Variants in GPR171 observed in about 807,000 individuals in gnomAD.
GPR171 encodes F730001G15Rik.
GPR171 carries 14 observed loss-of-function variants against 16.7 expected under a neutral mutation model. The ratio of observed to expected loss-of-function variants is 0.84; its 90% CI spans 0.55 to 1.31. GPR171 has a LOEUF of 1.31. Ranked by LOEUF, GPR171 falls within the 40% of genes most tolerant of loss-of-function variation. The pLI is 0.00. For missense variants in GPR171, 337 were observed against 378.9 expected (o/e 0.89, Z 0.92); for synonymous variants, 134 against 135.6 (o/e 0.99, Z 0.08).
In GPR171 at chr3:151,198,794, G is replaced by C. The variant is rs1725066825; in HGVS notation, c.593C>G (p.Ser198Cys). Reference protein sequence around the residue: ...FLNFSAIILISNCLVIRQLYR... With the variant: ...FLNFSAIILICNCLVIRQLYR... ...GAGCTGTCGAATTACAAGGCAATTG[G>C]ATATTAAAATGATGGCTGAGAAATT... Residue 198 changes from serine to cysteine, a missense_variant, in exon 3 of 3, where the codon TCC becomes TGC. Transcript: ENST00000309180. 1.2e-6 allele frequency: 2 copies of C among 1,613,388 alleles called. No individual in the cohort carries two copies. The highest frequency in any genetic ancestry group is 1.7e-5 in the Admixed American group (1 of 60,006).
Position 151,198,810 on chromosome 3 carries a change from C to T in GPR171, c.577G>A (p.Ala193Thr). Residue 193 changes from alanine (A) to threonine (T), a missense_variant, in exon 3 of 3, where the codon GCC becomes ACC. By Grantham distance (58) the Ala-to-Thr change is moderately conservative. Transcript: ENST00000309180. Reference sequence around the variant, plus strand: ...AGGCAATTGGATATTAAAATGATGGCTGAGAAATTTAAAAATATTGCTACA... The same window carrying T: ...AGGCAATTGGATATTAAAATGATGGTTGAGAAATTTAAAAATATTGCTACA... ...ICVAIFLNFS[A>T]IILISNCLVI... 1 of 1,613,608 alleles carries T rather than the reference C, an allele frequency of 6.2e-7. No individual in the cohort carries two copies. The highest frequency in any genetic ancestry group is 8.5e-7 in the Non-Finnish European group (1 of 1,179,520).
intron 1 of GPR171, among the ~76,000 whole-genome samples, chr3:151,202,563 G>A (rs982463308): frequency 6.6e-5 from 10 of 152,146 alleles, no homozygotes; most frequent in South Asian, 2.1e-4. Context: ...CCAGCTACTC[G>A]GGAGGCTGAG....
chr3:151,199,259 T>G lies in GPR171; in HGVS notation c.128A>C (p.Asn43Thr), dbSNP rs558551250. 18 of 1,614,156 alleles carry G rather than the reference T, an allele frequency of 1.1e-5. No individual in the cohort carries two copies. The East Asian group carries it at 3.6e-4, about 32-fold the overall frequency. Residue 43 changes from asparagine to threonine, a missense_variant, in exon 3 of 3, where the codon AAT (asparagine) becomes ACT (threonine). Asn to Thr is a moderately conservative substitution (Grantham distance 65). Coordinates refer to ENST00000309180, the MANE Select transcript of GPR171 (RefSeq NM_013308.4). ...CFATWAFIQK[N>T]TNHRCVSIYL... Reference sequence around the variant, plus strand: ...GATGCTCACACACCTGTGATTCGTATTCTTCTGTATAAAAGCCCAGGTTGC... The same window carrying G: ...GATGCTCACACACCTGTGATTCGTAGTCTTCTGTATAAAAGCCCAGGTTGC...
chr3:151,199,274 G>A lies in GPR171; in HGVS notation c.113C>T (p.Ala38Val), dbSNP rs138457154. The change falls in exon 3 of 3, where the codon GCT (alanine) becomes GTT (valine). Residue 38 changes from alanine to valine, a missense_variant. Physicochemically the swap from Ala to Val is moderately conservative, Grantham distance 64 (BLOSUM62 0). Transcript: ENST00000309180. ...GTGATTCGTATTCTTCTGTATAAAA[G>A]CCCAGGTTGCAAAACAACTTCCAAT... ...GIIGSCFATW[A>V]FIQKNTNHRC... 56 of 1,613,806 alleles carry A rather than the reference G, an allele frequency of 3.5e-5. No homozygotes were observed. The highest frequency in any genetic ancestry group is 4.6e-5 in the Non-Finnish European group (54 of 1,179,932).
chr3:151,201,634 CCTG>C (rs1725608706), intron 1 of GPR171, among the ~76,000 whole-genome samples: 1 of 152,184 alleles, frequency 6.6e-6, no homozygotes, highest in African/African-American at 2.4e-5. Flanking sequence ...ATTCCTGAAT[CCTG>C]CTTATTCCAG....
At position 151,198,475 on chromosome 3, in the gene GPR171, T is replaced by C. The variant is rs757514078; in HGVS notation, c.912A>G (p.Lys304=). The part of the protein sequence containing the change: ...SKVTETFASP[K]ETKAQKEKLR... Reference sequence around the variant, plus strand: ...ATTTTTCTTTCTGAGCCTTGGTCTCTTTAGGTGAGGCAAAAGTCTCAGTGA... The same window carrying C: ...ATTTTTCTTTCTGAGCCTTGGTCTCCTTAGGTGAGGCAAAAGTCTCAGTGA... The change falls in exon 3 of 3, where the codon AAA becomes AAG. Residue 304 remains lysine (K), a synonymous_variant. Coordinates refer to ENST00000309180, the MANE Select transcript of GPR171 (RefSeq NM_013308.4). 1.9e-6 allele frequency: 3 copies of C among 1,613,182 alleles called. No homozygotes were observed. Among genetic ancestry groups the C allele is most frequent in the Non-Finnish European group, 2.5e-6 (3 of 1,179,324 alleles).
In GPR171 at chr3:151,198,546, C is replaced by G; in HGVS notation, c.841G>C (p.Asp281His). ...GAGAGGTGATAGTACAGGATAGGAT[C>G]AAAGCACAGGTTCGACACAGCCAGG... ...LLLAVSNLCF[D>H]PILYYHLSKA... The change falls in exon 3 of 3, where the codon GAT becomes CAT. Residue 281 changes from aspartate to histidine, a missense_variant. Asp to His is a moderately conservative substitution (Grantham distance 81). Coordinates refer to ENST00000309180, the MANE Select transcript of GPR171 (RefSeq NM_013308.4). 1 of 1,614,048 alleles carries G rather than the reference C, an allele frequency of 6.2e-7. No individual in the cohort carries two copies. Among genetic ancestry groups the G allele is most frequent in the Non-Finnish European group, 8.5e-7 (1 of 1,179,992 alleles).
At chr3:151,200,184 C>A (rs1436095261) in intron 2 of GPR171, among the ~76,000 whole-genome samples, 1 of 150,132 alleles carries the variant, frequency 6.7e-6, no homozygotes, top group Non-Finnish European at 1.5e-5. Context: ...ACTGTGATCA[C>A]CACTGATAAT....
At chr3:151,201,075 T>C (rs1385551171) in intron 1 of GPR171, 78 bp from the exon 2 acceptor site, 2 of 152,202 alleles carry the variant, frequency 1.3e-5, no homozygotes, top group African/African-American at 2.4e-5. Context: ...TACTAAGGGC[T>C]TACTGTGTGG....
In GPR171 at chr3:151,199,167, CA is replaced by C; in HGVS notation, c.219del (p.Asp74ThrfsTer9). The C allele has an allele frequency of 6.2e-7, 1 of 1,614,162 alleles. No individual in the cohort carries two copies. The highest frequency in any genetic ancestry group is 8.5e-7 in the Non-Finnish European group (1 of 1,180,012). On this transcript the variant is annotated frameshift_variant, in exon 3 of 3. Transcript: ENST00000309180. LOFTEE classifies it high-confidence loss of function. The stretch of plus-strand genomic sequence containing the variant: ...AGCTTCCAAGGTGCCACACCCAAGT[CA>C]ACAACAATTTTCACTGGTAATGCCA... ...LTLALPVKIV[V>X]DLGVAPWKLK...
chr3:151,200,687 A>G (rs771336079), intron 2 of GPR171, among the ~76,000 whole-genome samples: 1 of 152,192 alleles, frequency 6.6e-6, no homozygotes, highest in African/African-American at 2.4e-5. Flanking sequence ...TAAAGGCTAC[A>G]TGCCCTTTCT....
At position 151,198,861 on chromosome 3, in the gene GPR171, A is replaced by G; in HGVS notation, c.526T>C (p.Trp176Arg). The change falls in exon 3 of 3, where the codon TGG (tryptophan) becomes CGG (arginine). Residue 176 changes from tryptophan to arginine, a missense_variant. Trp to Arg is a moderately radical substitution (Grantham distance 101). Coordinates refer to ENST00000309180, the MANE Select transcript of GPR171 (RefSeq NM_013308.4). ...CATATGAAATTTGTCAGCAAATGCC[A>G]ATTTCTTCCAAATTCCTTTTTAAAC... is the stretch of plus-strand genomic sequence containing the variant. ...MEFKKEFGRN[W>R]HLLTNFICVA... is the part of the protein sequence containing the mutation. 2 of 1,614,074 alleles carry G rather than the reference A, an allele frequency of 1.2e-6. No homozygotes were observed. Among genetic ancestry groups the G allele is most frequent in the East Asian group, 4.5e-5 (2 of 44,882 alleles).
Position 151,198,567 on chromosome 3 carries a change from C to A in GPR171, c.820G>T (p.Ala274Ser). The change falls in exon 3 of 3, where the codon GCT becomes TCT. Residue 274 changes from alanine to serine, a missense_variant. Coordinates refer to ENST00000309180, the MANE Select transcript of GPR171 (RefSeq NM_013308.4). ...GGATCAAAGCACAGGTTCGACACAG[C>A]CAGGAGCAGTGTAGCCTCTTTGGCT... The part of the protein sequence containing the change: ...FKAKEATLLL[A>S]VSNLCFDPIL... 1 of 1,614,028 alleles carries A rather than the reference C, an allele frequency of 6.2e-7. No homozygotes were observed. Among genetic ancestry groups the A allele is most frequent in the South Asian group, 1.1e-5 (1 of 91,082 alleles).
Position 151,199,017 on chromosome 3 carries a change from G to A in GPR171, c.370C>T (p.Arg124Ter), listed in dbSNP as rs1465621750. The A allele has an allele frequency of 2.5e-6, 4 of 1,613,938 alleles. No homozygotes were observed. The highest frequency in any genetic ancestry group is 1.3e-5 in the African/African-American group (1 of 74,900). ...LQLTHSCKIY[R>*]IQEPGFAKMI... Reference sequence around the variant, plus strand: ...TTGGCAAATCCGGGTTCTTGTATTCGGTAGATCTTGCAGCTGTGTGTCAGC... The same window carrying A: ...TTGGCAAATCCGGGTTCTTGTATTCAGTAGATCTTGCAGCTGTGTGTCAGC... The change falls in exon 3 of 3, where the codon CGA (arginine) becomes TGA (stop). Residue 124 changes from arginine to a stop codon, truncating the protein, a stop_gained. Transcript: ENST00000309180. LOFTEE classifies it high-confidence loss of function.
In GPR171 at chr3:151,198,234, G is replaced by C. The variant is rs1245971775; in HGVS notation, c.*193C>G. 1 of 471,346 alleles carries C rather than the reference G, an allele frequency of 2.1e-6. No homozygotes were observed. Among genetic ancestry groups the C allele is most frequent in the African/African-American group, 2.0e-5 (1 of 51,020 alleles). The allele number at this position is 471,346 out of a possible 1,614,324, so 29.2% of individuals were successfully genotyped here. A position where few individuals can be genotyped will look rare whatever the true frequency, so the allele number is the denominator to read the frequency against. On this transcript the variant is annotated 3_prime_UTR_variant, in exon 3 of 3. Coordinates refer to ENST00000309180, the MANE Select transcript of GPR171 (RefSeq NM_013308.4). ...GTACAAATATTTGGGTTAATGAGTA[G>C]CAGCAAGCCTAACAATAAAGCTTGA...
chr3:151,201,758 T>C (rs1430406892), intron 1 of GPR171, among the ~76,000 whole-genome samples: 1 of 152,250 alleles, frequency 6.6e-6, no homozygotes, highest in Non-Finnish European at 1.5e-5. Flanking sequence ...TGAACATACT[T>C]TTCTTCTTTA....
At chr3:151,202,556 G>A (rs1412323148) in intron 1 of GPR171, among the ~76,000 whole-genome samples, 1 of 152,178 alleles carries the variant, frequency 6.6e-6, no homozygotes, top group Non-Finnish European at 1.5e-5. Flanking sequence ...TGTAATCCCA[G>A]CTACTCGGGA....
Position 151,199,156 on chromosome 3 carries a change from C to G in GPR171, c.231G>C (p.Val77=), listed in dbSNP as rs750878406. The G allele has an allele frequency of 1.9e-6, 3 of 1,614,116 alleles. No homozygotes were observed. The highest frequency in any genetic ancestry group is 2.5e-6 in the Non-Finnish European group (3 of 1,180,010). ...GGAATATCTTCAGCTTCCAAGGTGC[C>G]ACACCCAAGTCAACAACAATTTTCA... The part of the protein sequence containing the change: ...LPVKIVVDLG[V]APWKLKIFHC... The change falls in exon 3 of 3, where the codon GTG becomes GTC. Residue 77 remains valine (V), a synonymous_variant. Transcript: ENST00000309180.
chr3:151,201,852 T>A (rs1423805379), intron 1 of GPR171, among the ~76,000 whole-genome samples: 1 of 152,254 alleles, frequency 6.6e-6, no homozygotes, highest in African/African-American at 2.4e-5. Flanking sequence ...GATTTTGGCT[T>A]ACGCACTTCT....
Sources: allele counts gnomAD v4.1 joint callset (sites outside exome capture counted in the v4.1 genomes callset), GRCh38; gene constraint gnomAD v4.1.1; transcripts MANE v1.5; gene names NCBI Gene and HGNC (gene_info 2026-07-23, HGNC 2026-07-21).